PDRG1: variants seen among roughly 807,000 people sequenced by gnomAD.
The protein encoded by PDRG1 is p53 and DNA damage-regulated protein 1.
In PDRG1, 14 loss-of-function variants were observed where a neutral mutation model predicts 18.4. The observed-to-expected ratio is 0.76, with a 90% CI of 0.50 to 1.19. PDRG1 has a LOEUF of 1.19. Among genes scored for constraint, PDRG1 ranks in the 50% most tolerant of loss-of-function variants. The probability of loss-of-function intolerance (pLI) is 0.00; values close to 1 mark genes in which losing one functional copy is unlikely to be tolerated. For missense variants in PDRG1, 177 were observed against 160.1 expected (o/e 1.11, Z -0.57); for synonymous variants, 65 against 60.9 (o/e 1.07, Z -0.31).
chr20:31,951,688 G>A (rs995887730), intron 1 of PDRG1, among the ~76,000 whole-genome samples, 187 bp downstream of exon 1: 1 of 152,248 alleles, frequency 6.6e-6, no homozygotes, highest in African/African-American at 2.4e-5. Flanking sequence ...AAGGGGCAGA[G>A]AAAGGATGAA....
chr20:31,947,851 T>C (rs150768034), intron 3 of PDRG1, among the ~76,000 whole-genome samples: 2,564 of 151,978 alleles, frequency 0.017, 67 homozygotes, highest in African/African-American at 0.059. Flanking sequence ...GATAGCACCA[T>C]TGCACTCCAG....
chr20:31,948,570 T>C (rs969234917), intron 3 of PDRG1, among the ~76,000 whole-genome samples: 3 of 152,242 alleles, frequency 2.0e-5, no homozygotes, highest in Non-Finnish European at 4.4e-5. Context: ...AGCACTATGC[T>C]AGGCACACAT....
chr20:31,949,028 T>A, intron 2 of PDRG1, 146 bp from the exon 3 acceptor site: 1 of 686,372 alleles, frequency 1.5e-6, no homozygotes, highest in Non-Finnish European at 2.4e-6. Context: ...GGAGAGAGAA[T>A]AAAGATATGA....
chr20:31,951,680 G>A (rs1369379935), intron 1 of PDRG1, among the ~76,000 whole-genome samples, 195 bp downstream of exon 1: 1 of 152,248 alleles, frequency 6.6e-6, no homozygotes, highest in Admixed American at 6.5e-5. Context: ...AGCATGGCAA[G>A]GGGCAGAGAA....
chr20:31,948,151 C>G (rs942826513), intron 3 of PDRG1, among the ~76,000 whole-genome samples: 1 of 152,134 alleles, frequency 6.6e-6, no homozygotes, highest in East Asian at 1.9e-4. Context: ...TTAATCTCCC[C>G]AAACCTCCAT....
chr20:31,947,188 A>G (rs1379488691), intron 3 of PDRG1, among the ~76,000 whole-genome samples: 1 of 152,212 alleles, frequency 6.6e-6, no homozygotes, highest in Non-Finnish European at 1.5e-5. Context: ...CAATTGACTG[A>G]AGTCACCCAG....
In PDRG1 at chr20:31,948,792, C is replaced by T; in HGVS notation, c.238+16G>A. The T allele has an allele frequency of 6.2e-7, 1 of 1,610,858 alleles. No homozygotes were observed. Among genetic ancestry groups the T allele is most frequent in the Non-Finnish European group, 8.5e-7 (1 of 1,178,040 alleles). ...GAGAGGCAGCACACCCCTGACCCATCCCCAGGAGGCCTTACCTTTTTCAAT... is the reference window on the plus strand; with the variant it reads ...GAGAGGCAGCACACCCCTGACCCATTCCCAGGAGGCCTTACCTTTTTCAAT... On this transcript the variant is annotated intron_variant, in intron 3 of 4. Transcript: ENST00000202017.
At position 31,946,601 on chromosome 20, in the gene PDRG1, G is replaced by C. The variant is rs758540239; in HGVS notation, c.239-25C>G. 4 of 1,576,850 alleles carry C rather than the reference G, an allele frequency of 2.5e-6. No homozygotes were observed. The East Asian group carries it at 8.9e-5, about 35-fold the overall frequency. ...TCTGAAAAAATGAGGGGGGCAAGCA[G>C]AGGATAAGATTGTACCAGACAGACT... On this transcript the variant is annotated intron_variant, in intron 3 of 4. Transcript: ENST00000202017.
intron 4 of PDRG1, 58 bp downstream of exon 4, chr20:31,946,437 CA>C: frequency 9.4e-6 from 14 of 1,481,570 alleles, no homozygotes; most frequent in Non-Finnish European, 1.2e-5. Flanking sequence ...CCCTGCCCTT[CA>C]AAGTCCATGC....
Position 31,945,896 on chromosome 20 carries a change from GAGA to G in PDRG1, c.320-10_320-8del, listed in dbSNP as rs752024919. On this transcript the variant is annotated splice_region_variant and splice_polypyrimidine_tract_variant and intron_variant, in intron 4 of 4. Coordinates refer to ENST00000202017, the MANE Select transcript of PDRG1 (RefSeq NM_030815.3). The stretch of plus-strand genomic sequence containing the variant: ...CCCTTCAGCTCCGGTTTGCCTAGGA[GAGA>G]AGATGATCCATCAGCACGTCGGGCC... 6 of 1,612,270 alleles carry G rather than the reference GAGA, an allele frequency of 3.7e-6. No homozygotes were observed. Among genetic ancestry groups the G allele is most frequent in the Non-Finnish European group, 5.1e-6 (6 of 1,179,038 alleles).
intron 4 of PDRG1, 47 bp downstream of exon 4, chr20:31,946,449 T>G: frequency 3.3e-6 from 5 of 1,511,832 alleles, no homozygotes; most frequent in Non-Finnish European, 4.6e-6. Context: ...AAGTCCATGC[T>G]GATGATTCCC....
At chr20:31,949,541 C>T (rs2064339230) in intron 2 of PDRG1, among the ~76,000 whole-genome samples, 1 of 151,998 alleles carries the variant, frequency 6.6e-6, no homozygotes, top group Non-Finnish European at 1.5e-5. Flanking sequence ...CACTGCACTC[C>T]AGTCTGGGTG....
chr20:31,950,159 T>C (rs1340830169), intron 2 of PDRG1, among the ~76,000 whole-genome samples, 153 bp downstream of exon 2: 1 of 152,100 alleles, frequency 6.6e-6, no homozygotes, highest in African/African-American at 2.4e-5. Flanking sequence ...ACTGCAAAAT[T>C]TGCTCCCCCA....
At chr20:31,949,036 T>A (rs1038558032) in intron 2 of PDRG1, among the ~76,000 whole-genome samples, 154 bp from the exon 3 acceptor site, 18 of 152,188 alleles carry the variant, frequency 1.2e-4, no homozygotes, top group Admixed American at 3.3e-4. Context: ...AATAAAGATA[T>A]GATTTGTCAG....
rs2064295886 is a variant in PDRG1 at position 31,944,831 on chromosome 20, G to A, written c.*976C>T. On this transcript the variant is annotated 3_prime_UTR_variant, in exon 5 of 5. Coordinates refer to ENST00000202017, the MANE Select transcript of PDRG1 (RefSeq NM_030815.3). ...GTGTGCCCCTGCCATGCTGCCATTT[G>A]TTATCACCCGCCTGTCAAATCACAG... 2 of 152,172 alleles carry A rather than the reference G, an allele frequency of 1.3e-5. No homozygotes were observed. Among genetic ancestry groups the A allele is most frequent in the South Asian group, 4.1e-4 (2 of 4,824 alleles). The allele number at this position is 152,172 out of a possible 1,614,324, so 9.4% of individuals were successfully genotyped here. A position where few individuals can be genotyped will look rare whatever the true frequency, so the allele number is the denominator to read the frequency against.
chr20:31,949,293 C>T (rs189787666), intron 2 of PDRG1, among the ~76,000 whole-genome samples: 53 of 152,300 alleles, frequency 3.5e-4, no homozygotes, highest in East Asian at 2.3e-3. Flanking sequence ...AGCAAGGGGC[C>T]GGGCGCAGTG....
intron 3 of PDRG1, among the ~76,000 whole-genome samples, chr20:31,948,249 T>G (rs2064330824): frequency 6.6e-6 from 1 of 152,170 alleles, no homozygotes; most frequent in Non-Finnish European, 1.5e-5. Flanking sequence ...CCATGTGACT[T>G]AGTTCTGGCC....
chr20:31,948,715 T>C (rs1019959222), intron 3 of PDRG1, 93 bp downstream of exon 3: 9 of 1,197,318 alleles, frequency 7.5e-6, no homozygotes, highest in Non-Finnish European at 1.1e-5. Context: ...TGCCTCTCCT[T>C]ACGCTGCCTG....
intron 3 of PDRG1, 105 bp from the exon 4 acceptor site, chr20:31,946,681 G>A: frequency 1.0e-6 from 1 of 1,001,920 alleles, no homozygotes; most frequent in South Asian, 1.3e-5. Context: ...GTAGCTTTCA[G>A]GAAGGAAAAG....
Sources: gnomAD v4.1 joint callset for allele counts (sites outside exome capture counted in the v4.1 genomes callset) on GRCh38, gnomAD v4.1.1 for gene constraint, MANE v1.5 for transcripts, NCBI Gene and HGNC (gene_info 2026-07-23, HGNC 2026-07-21) for gene names.